Variants in APBB1 observed in about 807,000 individuals in gnomAD.
APBB1 encodes amyloid beta precursor protein binding family B member 1.
A neutral mutation model predicts 78.4 loss-of-function variants in APBB1; 22 were observed. That is an observed-to-expected ratio of 0.28 (90% CI 0.20 to 0.40). The LOEUF is 0.40. Among genes scored for constraint, APBB1 ranks in the 10% least tolerant of loss-of-function variants. The pLI, the probability that APBB1 is intolerant of heterozygous loss-of-function variation, is 1.00. For synonymous variants in APBB1, 369 were observed against 372.7 expected, an observed-to-expected ratio of 0.99 and a Z score of 0.12; for missense variants, 749 against 932.4, an observed-to-expected ratio of 0.80 and a Z score of 2.56.
At chr11:6,407,773 ATT>A (rs34560475) in intron 2 of APBB1, among the ~76,000 whole-genome samples, 9 of 137,674 alleles carry the variant, frequency 6.5e-5, no homozygotes, top group Admixed American at 1.4e-4. Context: ...TAGTAGAAGT[ATT>A]TTTTTTTTTT....
chr11:6,397,868 C>T (rs913958691), intron 12 of APBB1, among the ~76,000 whole-genome samples: 2 of 152,202 alleles, frequency 1.3e-5, no homozygotes, highest in Non-Finnish European at 2.9e-5. Flanking sequence ...CAAATGCACC[C>T]GAACTGGTAA....
intron 2 of APBB1, among the ~76,000 whole-genome samples, chr11:6,405,815 G>T (rs1465988353): frequency 6.6e-6 from 1 of 152,182 alleles, no homozygotes; most frequent in Non-Finnish European, 1.5e-5. Flanking sequence ...GAGGCTCAGG[G>T]AATACCTGCT....
intron 1 of APBB1, among the ~76,000 whole-genome samples, chr11:6,418,690 C>A (rs1849181688): frequency 6.6e-6 from 1 of 152,148 alleles, no homozygotes; most frequent in African/African-American, 2.4e-5. Context: ...CTGGGCCTCC[C>A]CTCCCCCAAC....
intron 1 of APBB1, among the ~76,000 whole-genome samples, chr11:6,417,333 C>G (rs574530241): frequency 6.6e-6 from 1 of 152,166 alleles, no homozygotes; most frequent in East Asian, 1.9e-4. Flanking sequence ...TCCCTATCCC[C>G]GAGACCAGTT....
chr11:6,399,488 C>T (rs987188159), intron 12 of APBB1, among the ~76,000 whole-genome samples: 6 of 152,210 alleles, frequency 3.9e-5, no homozygotes, highest in Admixed American at 2.6e-4. Flanking sequence ...TCGAACCAAT[C>T]ACTGAGGCCT....
intron 1 of APBB1, among the ~76,000 whole-genome samples, chr11:6,418,144 G>A (rs1209852491): frequency 1.3e-5 from 2 of 152,218 alleles, no homozygotes; most frequent in East Asian, 3.8e-4. Context: ...AGGAGAGGAA[G>A]CAAATGAGAT....
chr11:6,400,839 C>T (rs558000205), intron 12 of APBB1, 150 bp downstream of exon 12: 1 of 776,114 alleles, frequency 1.3e-6, no homozygotes, highest in African/African-American at 1.7e-5. Flanking sequence ...AGAGCTAGGA[C>T]AGAAGTATGG....
intron 12 of APBB1, 47 bp from the exon 13 acceptor site, chr11:6,396,262 C>A: frequency 1.3e-6 from 2 of 1,484,394 alleles, no homozygotes; most frequent in Non-Finnish European, 1.8e-6. Context: ...ACAGAGGATA[C>A]CCCAGCTCTA....
At position 6,401,290 on chromosome 11, in the gene APBB1, T is replaced by G. The variant is rs1848486149; in HGVS notation, c.1588+55A>C. 5 of 1,613,984 alleles carry G rather than the reference T, an allele frequency of 3.1e-6. No homozygotes were observed. Among genetic ancestry groups the G allele is most frequent in the Non-Finnish European group, 3.4e-6 (4 of 1,179,928 alleles). The stretch of plus-strand genomic sequence containing the variant: ...CCAGGAGCTCATGCCTTTCCTTGGG[T>G]CACCCACCTTTGCCAACAAAGCTGA... On this transcript the variant is annotated intron_variant, in intron 11 of 14. Coordinates refer to ENST00000609360, the MANE Select transcript of APBB1 (RefSeq NM_001164.5). This position sits in a 1 kb window ranked among gnomAD's most constrained non-coding sequence, Gnocchi z 4.5.
rs752330485 is a variant in APBB1 at position 6,411,369 on chromosome 11, G to A, written c.-14-8C>T. On this transcript the variant is annotated splice_region_variant and splice_polypyrimidine_tract_variant and intron_variant, in intron 1 of 14. Transcript: ENST00000609360. This position sits in a 1 kb window ranked among gnomAD's most constrained non-coding sequence, Gnocchi z 5.2. ...ACATGGCCTTGGCAGCTCCTGTGGG[G>A]TGCGGAGGGGAGATGCTGTTGAGCC... 11 of 1,519,560 alleles carry A rather than the reference G, an allele frequency of 7.2e-6. No individual in the cohort carries two copies. Among genetic ancestry groups the A allele is most frequent in the Non-Finnish European group, 7.9e-6 (9 of 1,135,866 alleles). The allele number at this position is 1,519,560 out of a possible 1,614,324, so 94.1% of individuals were successfully genotyped here. A position where few individuals can be genotyped will look rare whatever the true frequency, so the allele number is the denominator to read the frequency against.
chr11:6,401,327 A>G lies in APBB1; in HGVS notation c.1588+18T>C. ...GCCAACAAAGCTGAGCTGGACCTGG[A>G]GGGGTTTTGACACTGACCTTGGAAA... On this transcript the variant is annotated intron_variant, in intron 11 of 14. Transcript: ENST00000609360. This position sits in a 1 kb window ranked among gnomAD's most constrained non-coding sequence, Gnocchi z 4.5. The G allele has an allele frequency of 6.2e-7, 1 of 1,614,008 alleles. No individual in the cohort carries two copies.
chr11:6,414,775 T>A (rs1849078922), intron 1 of APBB1, among the ~76,000 whole-genome samples: 1 of 151,844 alleles, frequency 6.6e-6, no homozygotes, highest in African/African-American at 2.4e-5. Flanking sequence ...TCTCCATGGG[T>A]GTCAGGAAGC....
chr11:6,412,073 T>C (rs1848980298), intron 1 of APBB1, among the ~76,000 whole-genome samples: 1 of 152,196 alleles, frequency 6.6e-6, no homozygotes, highest in South Asian at 2.1e-4. Flanking sequence ...GCCCTCATAA[T>C]GCCCTGTCCT....
chr11:6,408,000 C>G (rs970668538), intron 2 of APBB1, among the ~76,000 whole-genome samples: 28 of 151,806 alleles, frequency 1.8e-4, no homozygotes, highest in Admixed American at 1.4e-3. Context: ...AGTATGGTCT[C>G]GATCTCCTGA....
At chr11:6,402,380 T>C in intron 7 of APBB1, 171 bp from the exon 8 acceptor site, 1 of 1,128,204 alleles carries the variant, frequency 8.9e-7, no homozygotes, top group Non-Finnish European at 1.3e-6. Flanking sequence ...TCTCTCACAT[T>C]GACTCCACCG....
chr11:6,404,317 T>G (rs1304907104), intron 2 of APBB1, among the ~76,000 whole-genome samples: 1 of 152,084 alleles, frequency 6.6e-6, no homozygotes, highest in Non-Finnish European at 1.5e-5. Flanking sequence ...CAGGTGCACA[T>G]GTATGTGCAG....
At chr11:6,419,191 C>G (rs1054870403), upstream of APBB1, 9 of 316,996 alleles carry the variant, frequency 2.8e-5, no homozygotes, top group East Asian at 2.5e-4. Flanking sequence ...GGGCGCGGCA[C>G]TTGCCGCAGC....
chr11:6,401,139 G>A lies in APBB1; in HGVS notation c.1589-67C>T. On this transcript the variant is annotated intron_variant, in intron 11 of 14. Transcript: ENST00000609360. This position sits in a 1 kb window ranked among gnomAD's most constrained non-coding sequence, Gnocchi z 4.5. The stretch of plus-strand genomic sequence containing the variant: ...GCTCACCCGCAGCCCCACCAGCAGG[G>A]CATAAGCTGGACACTTGCCCAGCCG... The A allele has an allele frequency of 6.2e-7, 1 of 1,613,944 alleles. No individual in the cohort carries two copies. Among genetic ancestry groups the A allele is most frequent in the Non-Finnish European group, 8.5e-7 (1 of 1,179,942 alleles).
At chr11:6,404,131 C>A in intron 2 of APBB1, 1 of 379,576 alleles carries the variant, frequency 2.6e-6, no homozygotes, top group Non-Finnish European at 4.7e-6. Context: ...AATTAACCTC[C>A]TTTCATACAT....
Sources: allele counts gnomAD v4.1 joint callset (sites outside exome capture counted in the v4.1 genomes callset), GRCh38; gene constraint gnomAD v4.1.1; non-coding constraint Gnocchi (gnomAD v3.1); transcripts MANE v1.5; gene names NCBI Gene and HGNC (gene_info 2026-07-23, HGNC 2026-07-21).